NRXN1: variants seen among roughly 807,000 people sequenced by gnomAD.
The protein encoded by NRXN1 is neurexin-1.
In NRXN1, 39 loss-of-function variants were observed where a neutral mutation model predicts 150.9. The ratio of observed to expected loss-of-function variants is 0.26; its 90% CI spans 0.20 to 0.34. The LOEUF (loss-of-function observed/expected upper bound fraction) is 0.34, where lower values mean the gene tolerates loss of function less well. NRXN1 is among the 10% of genes least tolerant of loss of function. NRXN1 has a pLI of 1.00. For synonymous variants in NRXN1, 924 were observed against 757.0 expected, an observed-to-expected ratio of 1.22 and a Z score of -3.62; for missense variants, 1,815 against 1,949.9, an observed-to-expected ratio of 0.93 and a Z score of 1.30.
chr2:49,944,276 G>C (rs1309200292), intron 21 of NRXN1, among the ~76,000 whole-genome samples: 1 of 152,200 alleles, frequency 6.6e-6, no homozygotes, highest in Non-Finnish European at 1.5e-5. Context: ...AGGAAACACA[G>C]ATTAAGTAGA....
chr2:50,165,375 G>T (rs1006178208), intron 18 of NRXN1, among the ~76,000 whole-genome samples: 1 of 152,018 alleles, frequency 6.6e-6, no homozygotes, highest in Non-Finnish European at 1.5e-5. Context: ...TTTAGACACA[G>T]TCTCACTCTG....
intron 8 of NRXN1, among the ~76,000 whole-genome samples, chr2:50,612,399 A>G (rs1678316509): frequency 6.6e-6 from 1 of 151,742 alleles, no homozygotes; most frequent in African/African-American, 2.4e-5. Flanking sequence ...TTCTTCCATT[A>G]CTCCCTTTCT....
intron 5 of NRXN1, among the ~76,000 whole-genome samples, chr2:50,852,547 A>C (rs922422095): frequency 2.0e-5 from 3 of 152,168 alleles, no homozygotes; most frequent in African/African-American, 7.2e-5. Context: ...AAGATCTTTA[A>C]CAACTGAATT....
At chr2:50,217,837 C>T (rs917711759) in intron 18 of NRXN1, among the ~76,000 whole-genome samples, 5 of 152,180 alleles carry the variant, frequency 3.3e-5, no homozygotes, top group African/African-American at 1.2e-4. Flanking sequence ...TTTCATCTAA[C>T]TTATTGTTAT....
At chr2:49,945,755 T>C (rs1339148401) in intron 21 of NRXN1, among the ~76,000 whole-genome samples, 2 of 152,192 alleles carry the variant, frequency 1.3e-5, no homozygotes, top group African/African-American at 4.8e-5. Context: ...CCATGGTGTA[T>C]ATGTGCCACA....
chr2:50,595,916 T>C (rs1206875744), intron 8 of NRXN1, among the ~76,000 whole-genome samples: 1 of 152,240 alleles, frequency 6.6e-6, no homozygotes, highest in Non-Finnish European at 1.5e-5. Flanking sequence ...CACTGTGTTA[T>C]AGAGGCTCTT....
At chr2:50,685,331 C>T (rs2104831718) in intron 5 of NRXN1, among the ~76,000 whole-genome samples, 1 of 152,244 alleles carries the variant, frequency 6.6e-6, no homozygotes, top group Non-Finnish European at 1.5e-5. Flanking sequence ...AGCCAACACA[C>T]TCAGGAATAT....
intron 8 of NRXN1, among the ~76,000 whole-genome samples, chr2:50,599,368 C>G (rs1314440836): frequency 6.6e-6 from 1 of 152,160 alleles, no homozygotes; most frequent in Non-Finnish European, 1.5e-5. Flanking sequence ...AAGGTGGTCA[C>G]TACTTACTGA....
At chr2:50,771,471 T>A (rs1300545568) in intron 5 of NRXN1, among the ~76,000 whole-genome samples, 5 of 152,104 alleles carry the variant, frequency 3.3e-5, no homozygotes, top group Admixed American at 6.6e-5. Context: ...AGCTAAACTG[T>A]CAGTAGAAGC....
chr2:50,503,364 A>T (rs2092053072), intron 13 of NRXN1, among the ~76,000 whole-genome samples: 1 of 151,900 alleles, frequency 6.6e-6, no homozygotes, highest in Non-Finnish European at 1.5e-5. Context: ...TAAAAAAATA[A>T]TTGGAATGAA....
At chr2:50,751,233 A>G (rs189490861) in intron 5 of NRXN1, among the ~76,000 whole-genome samples, 21 of 152,188 alleles carry the variant, frequency 1.4e-4, no homozygotes, top group Non-Finnish European at 2.5e-4. Context: ...GCTTTGAATA[A>G]GTATGAGCTT....
At chr2:51,006,396 G>C (rs1187915949) in intron 2 of NRXN1, among the ~76,000 whole-genome samples, 1 of 151,554 alleles carries the variant, frequency 6.6e-6, no homozygotes, top group Non-Finnish European at 1.5e-5. Flanking sequence ...GGACTGTTGT[G>C]GGGTGGGGGA....
chr2:50,729,835 C>T (rs536376857), intron 5 of NRXN1, among the ~76,000 whole-genome samples: 3 of 152,264 alleles, frequency 2.0e-5, no homozygotes, highest in Non-Finnish European at 1.5e-5. Flanking sequence ...GGTTTGGTTT[C>T]GAAAGCGAGG....
At chr2:50,527,728 G>C (rs963927684) in intron 12 of NRXN1, among the ~76,000 whole-genome samples, 1 of 152,082 alleles carries the variant, frequency 6.6e-6, no homozygotes. Flanking sequence ...CATGGCCAAT[G>C]CTGTGGGGAG....
intron 17 of NRXN1, among the ~76,000 whole-genome samples, chr2:50,296,863 GAC>G (rs2073634404): frequency 6.8e-6 from 1 of 147,242 alleles, no homozygotes; most frequent in African/African-American, 2.5e-5. Flanking sequence ...TGCTGTAAAA[GAC>G]ACAGTTTCTT....
At chr2:50,818,733 C>G (rs1669281468) in intron 5 of NRXN1, among the ~76,000 whole-genome samples, 1 of 151,952 alleles carries the variant, frequency 6.6e-6, no homozygotes, top group African/African-American at 2.4e-5. Context: ...AAAAGGCAAT[C>G]TATGGAATGA....
intron 2 of NRXN1, among the ~76,000 whole-genome samples, chr2:51,023,802 G>C: frequency 6.6e-6 from 1 of 152,200 alleles, no homozygotes; most frequent in East Asian, 1.9e-4. Context: ...ATGAATGAGT[G>C]AATGTGGTTG....
At chr2:50,832,567 C>T (rs993724089) in intron 5 of NRXN1, among the ~76,000 whole-genome samples, 1 of 152,112 alleles carries the variant, frequency 6.6e-6, no homozygotes, top group African/African-American at 2.4e-5. Flanking sequence ...GCAGGGGGAA[C>T]TGCTTGAACC....
chr2:50,381,598 G>C (rs1400599078), intron 17 of NRXN1, among the ~76,000 whole-genome samples: 1 of 151,036 alleles, frequency 6.6e-6, no homozygotes. Flanking sequence ...ATGAAAAGGA[G>C]CTAGAGTGAT....
Sources: gnomAD v4.1 joint callset for allele counts (sites outside exome capture counted in the v4.1 genomes callset) on GRCh38, gnomAD v4.1.1 for gene constraint, MANE v1.5 for transcripts, NCBI Gene and HGNC (gene_info 2026-07-23, HGNC 2026-07-21) for gene names.